The following RANBP10 variants were observed in gnomAD, a reference collection of about 807,000 sequenced individuals.
The protein encoded by RANBP10 is RAN binding protein 10.
Under a neutral mutation model 72.8 loss-of-function variants are expected in RANBP10, and 24 were observed. The observed-to-expected ratio is 0.33, with a 90% CI of 0.24 to 0.46. The LOEUF is 0.46. Ranked by LOEUF, RANBP10 falls within the 20% of genes least tolerant of loss-of-function variation. The pLI is 1.00. For synonymous variants in RANBP10, 310 were observed against 322.3 expected (o/e 0.96, Z 0.41); for missense variants, 679 against 817.5 (o/e 0.83, Z 2.07).
At position 67,757,676 on chromosome 16, in the gene RANBP10, T is replaced by C. The variant is rs767754649; in HGVS notation, c.401-13221A>G. 8.5e-5 allele frequency among the ~76,000 whole-genome samples: 13 copies of C among 152,224 alleles called. No homozygotes were observed. In the Middle Eastern group the frequency reaches 0.01, roughly 119 times the overall value. ...CCCACGGCCTGGAGCAGCTCAACAA[T>C]GGATAATGGGAAAGCAAAAGAGATT... On this transcript the variant is annotated intron_variant, in intron 3 of 13. Transcript: ENST00000317506.
intron 2 of RANBP10, among the ~76,000 whole-genome samples, chr16:67,803,228 G>C (rs2055268478): frequency 1.3e-5 from 2 of 152,118 alleles, no homozygotes; most frequent in Admixed American, 6.6e-5. Context: ...GCACTAGATG[G>C]GGATAAAAAT....
rs185272419 is a variant in RANBP10 at position 67,761,657 on chromosome 16, C to T, written c.400+10377G>A. 6.2e-4 allele frequency among the ~76,000 whole-genome samples: 94 copies of T among 152,304 alleles called. 1 individual carries two copies. In the Middle Eastern group the frequency reaches 0.034, roughly 55 times the overall value. On this transcript the variant is annotated intron_variant, in intron 3 of 13. Coordinates refer to ENST00000317506, the MANE Select transcript of RANBP10 (RefSeq NM_020850.3). ...CGATCTTGGCTCACTGCAACCTCCA[C>T]GTCCTGGGTTCAAGCAATTCTCCTG...
At chr16:67,757,596 C>A (rs1046826491) in intron 3 of RANBP10, among the ~76,000 whole-genome samples, 4 of 152,186 alleles carry the variant, frequency 2.6e-5, no homozygotes. Flanking sequence ...CTCCAGAAAT[C>A]CAGCAGACAG....
intron 2 of RANBP10, among the ~76,000 whole-genome samples, chr16:67,778,759 A>G (rs1445793548): frequency 1.3e-5 from 2 of 152,182 alleles, no homozygotes; most frequent in Non-Finnish European, 2.9e-5. Context: ...AGCACCTGAA[A>G]AGATGCTCAC....
At chr16:67,768,155 C>G (rs571723214) in intron 3 of RANBP10, among the ~76,000 whole-genome samples, 2 of 151,840 alleles carry the variant, frequency 1.3e-5, no homozygotes, top group East Asian at 3.9e-4. Context: ...TTTGGGAGGC[C>G]GAGATGAGTG....
chr16:67,792,036 C>G (rs1265349232), intron 2 of RANBP10, among the ~76,000 whole-genome samples: 1 of 147,762 alleles, frequency 6.8e-6, no homozygotes, highest in African/African-American at 2.5e-5. Context: ...CAGAGTGAGA[C>G]TCCGTCTCAA....
At chr16:67,727,469 T>C in intron 12 of RANBP10, 31 bp from the exon 13 acceptor site, 4 of 1,584,854 alleles carry the variant, frequency 2.5e-6, no homozygotes, top group Non-Finnish European at 3.5e-6. Context: ...GAGAGGACTG[T>C]GGCACACACC....
chr16:67,764,221 C>A (rs1212833362), intron 3 of RANBP10, among the ~76,000 whole-genome samples: 5 of 152,226 alleles, frequency 3.3e-5, no homozygotes, highest in African/African-American at 1.2e-4. Flanking sequence ...CTTAGTTCCA[C>A]ACTTGGGCCT....
intron 3 of RANBP10, among the ~76,000 whole-genome samples, chr16:67,746,753 C>G (rs2054088640): frequency 6.6e-6 from 1 of 152,186 alleles, no homozygotes; most frequent in South Asian, 2.1e-4. Context: ...TTTGCCTTTT[C>G]CAGAATTTCA....
intron 2 of RANBP10, among the ~76,000 whole-genome samples, chr16:67,778,599 C>T (rs1362716252): frequency 2.6e-5 from 4 of 151,962 alleles, no homozygotes; most frequent in African/African-American, 7.2e-5. Context: ...ACCTGTAGTT[C>T]CAGCAATGTG....
intron 2 of RANBP10, among the ~76,000 whole-genome samples, chr16:67,777,326 G>A (rs1398055371): frequency 7.9e-5 from 12 of 151,988 alleles, no homozygotes; most frequent in Admixed American, 2.6e-4. Context: ...CACAAGGTCA[G>A]GAGATTGAGA....
At position 67,729,691 on chromosome 16, in the gene RANBP10, A is replaced by C; in HGVS notation, c.1136T>G (p.Met379Arg). 6.2e-7 allele frequency: 1 copy of C among 1,612,242 alleles called. No homozygotes were observed. The highest frequency in any genetic ancestry group is 8.5e-7 in the Non-Finnish European group (1 of 1,179,056). Residue 379 changes from methionine (M) to arginine (R), a missense_variant, in exon 9 of 14, where the codon ATG becomes AGG. Coordinates refer to ENST00000317506, the MANE Select transcript of RANBP10 (RefSeq NM_020850.3). This position sits in a 1 kb window ranked among gnomAD's most constrained non-coding sequence, Gnocchi z 7.1. ...GGAGAGTGGCTGACCTGTGTTGTGC[A>C]TGTGGGAACTACTGGGGCCATGTCG... ...SPRHGPSSSH[M>R]HNTGADSPSC...
chr16:67,783,208 T>C (rs867993037), intron 2 of RANBP10, among the ~76,000 whole-genome samples: 10 of 152,076 alleles, frequency 6.6e-5, no homozygotes, highest in African/African-American at 7.2e-5. Flanking sequence ...GTGAGACAGA[T>C]TTGGCACAGC....
intron 3 of RANBP10, among the ~76,000 whole-genome samples, chr16:67,746,819 A>G (rs1219222020): frequency 6.6e-6 from 1 of 152,180 alleles, no homozygotes; most frequent in Non-Finnish European, 1.5e-5. Flanking sequence ...GACTTAGCAC[A>G]ATGCATCTGC....
At chr16:67,776,870 T>A (rs1285995232) in intron 2 of RANBP10, among the ~76,000 whole-genome samples, 1 of 151,412 alleles carries the variant, frequency 6.6e-6, no homozygotes, top group Non-Finnish European at 1.5e-5. Context: ...TAATGAACAA[T>A]CAAAAAAAAA....
intron 3 of RANBP10, among the ~76,000 whole-genome samples, chr16:67,751,503 T>C (rs1239798115): frequency 1.3e-5 from 2 of 152,008 alleles, no homozygotes; most frequent in East Asian, 1.9e-4. Context: ...CACATGCCTA[T>C]AGTCCTAGCT....
intron 4 of RANBP10, 165 bp downstream of exon 4, chr16:67,744,123 G>C: frequency 7.1e-7 from 1 of 1,407,228 alleles, no homozygotes; most frequent in Non-Finnish European, 9.3e-7. Context: ...ACAAAGGCGT[G>C]CCCCTGCTAC....
At position 67,728,667 on chromosome 16, in the gene RANBP10, T is replaced by C; in HGVS notation, c.1353-156A>G. The C allele has an allele frequency of 2.2e-6, 3 of 1,391,650 alleles. No homozygotes were observed. The South Asian group carries it at 4.1e-5, about 19-fold the overall frequency. The allele number at this position is 1,391,650 out of a possible 1,614,324, so 86.2% of individuals were successfully genotyped here. Reference sequence around the variant, plus strand: ...GCTCAGGCTTCCAAGTCTTCAGCACTTGGCCCCTACTGTGACACCAGCTAT... The same window carrying C: ...GCTCAGGCTTCCAAGTCTTCAGCACCTGGCCCCTACTGTGACACCAGCTAT... On this transcript the variant is annotated intron_variant, in intron 10 of 13. Coordinates refer to ENST00000317506, the MANE Select transcript of RANBP10 (RefSeq NM_020850.3).
chr16:67,743,504 A>G (rs1362080031), intron 4 of RANBP10, among the ~76,000 whole-genome samples: 1 of 152,132 alleles, frequency 6.6e-6, no homozygotes, highest in Admixed American at 6.5e-5. Context: ...CCCTAATCCT[A>G]AATGTCTACG....
Sources: gnomAD v4.1 joint callset for allele counts (sites outside exome capture counted in the v4.1 genomes callset) on GRCh38, gnomAD v4.1.1 for gene constraint, Gnocchi (gnomAD v3.1) non-coding constraint, MANE v1.5 for transcripts, NCBI Gene and HGNC (gene_info 2026-07-23, HGNC 2026-07-21) for gene names.